Variants in STK32C observed in about 807,000 individuals in gnomAD.
STK32C encodes the protein serine/threonine kinase 32C, also known as serine/threonine-protein kinase 32C.
STK32C carries 31 observed loss-of-function variants against 56.5 expected under a neutral mutation model. The ratio of observed to expected loss-of-function variants is 0.55; its 90% CI spans 0.41 to 0.74. STK32C has a LOEUF of 0.74. Ranked by LOEUF, STK32C falls within the 30% of genes least tolerant of loss-of-function variation. The pLI, the probability that STK32C is intolerant of heterozygous loss-of-function variation, is 0.00. For synonymous variants in STK32C, 309 were observed against 289.4 expected (o/e 1.07, Z -0.69); for missense variants, 544 against 676.9 (o/e 0.80, Z 2.18).
At chr10:132,263,203 C>T (rs1045714881) in intron 1 of STK32C, among the ~76,000 whole-genome samples, 11 of 152,304 alleles carry the variant, frequency 7.2e-5, no homozygotes, top group African/African-American at 2.4e-4. Flanking sequence ...TGCCCATCCA[C>T]GGTGGACTGG....
rs375466206 is a variant in STK32C at position 132,259,402 on chromosome 10, A to G, written c.263-13447T>C. 1.3e-4 allele frequency among the ~76,000 whole-genome samples: 20 copies of G among 151,810 alleles called. No individual in the cohort carries two copies. The East Asian group carries it at 3.7e-3, about 28-fold the overall frequency. On this transcript the variant is annotated intron_variant, in intron 1 of 11. Transcript: ENST00000298630. ...GTCCTGGTGGGAGGTGACTGGGTCA[A>G]CGGGGCGGAGATCCCCCTTGCTGTT...
chr10:132,319,882 C>T (rs766289996), downstream of STK32C, among the ~76,000 whole-genome samples: 9 of 151,608 alleles, frequency 5.9e-5, no homozygotes, highest in Non-Finnish European at 1.2e-4. Flanking sequence ...ATCTATTGCA[C>T]CTTAGATGGA....
At chr10:132,279,922 C>T (rs530855692) in intron 1 of STK32C, among the ~76,000 whole-genome samples, 84 of 141,400 alleles carry the variant, frequency 5.9e-4, no homozygotes, top group Non-Finnish European at 1.1e-3. Flanking sequence ...TCCGTGATCA[C>T]GCTGAGGCCT....
chr10:132,304,518 C>T (rs571662218), intron 1 of STK32C, among the ~76,000 whole-genome samples: 3 of 152,280 alleles, frequency 2.0e-5, no homozygotes, highest in African/African-American at 4.8e-5. Context: ...AAGCACCTTA[C>T]GGCAAATTGG....
At chr10:132,243,928 G>T (rs1478345962) in intron 2 of STK32C, among the ~76,000 whole-genome samples, 1 of 152,168 alleles carries the variant, frequency 6.6e-6, no homozygotes, top group Non-Finnish European at 1.5e-5. Flanking sequence ...AGCTGAGCCT[G>T]GGCCCACCAC....
intron 1 of STK32C, among the ~76,000 whole-genome samples, chr10:132,316,054 A>C (rs936555103): frequency 6.6e-6 from 1 of 152,254 alleles, no homozygotes; most frequent in African/African-American, 2.4e-5. Flanking sequence ...CTGTATGAGA[A>C]AAATAAGAGA....
chr10:132,208,236 G>A (rs923659), intron 11 of STK32C, 85 bp from the exon 12 acceptor site: 1,162,176 of 1,263,146 alleles, frequency 0.92, 534,983 homozygotes, highest in East Asian at 1. Context: ...GGCTCATGGG[G>A]TAGGCCATGG....
At chr10:132,328,391 C>G (rs760856197) in intron 1 of STK32C, among the ~76,000 whole-genome samples, 4 of 152,126 alleles carry the variant, frequency 2.6e-5, no homozygotes, top group Non-Finnish European at 5.9e-5. Flanking sequence ...TGCAAAATAT[C>G]TCAAGCTCTG....
intron 1 of STK32C, among the ~76,000 whole-genome samples, chr10:132,280,187 C>T (rs529978508): frequency 1.4e-5 from 2 of 147,902 alleles, no homozygotes; most frequent in African/African-American, 5.0e-5. Context: ...GACCACGCCA[C>T]CTGCGCTCCA....
At chr10:132,326,614 C>T (rs763371975) in intron 1 of STK32C, among the ~76,000 whole-genome samples, 17 of 152,370 alleles carry the variant, frequency 1.1e-4, no homozygotes, top group South Asian at 2.1e-4. Flanking sequence ...TGAGCCACCT[C>T]GCCCAGCCAA....
chr10:132,226,552 T>C (rs1260794390), intron 4 of STK32C, among the ~76,000 whole-genome samples: 2 of 152,216 alleles, frequency 1.3e-5, no homozygotes, highest in Admixed American at 6.5e-5. Context: ...AACAGCCCAC[T>C]GTGCCCAGTC....
intron 10 of STK32C, 67 bp downstream of exon 10, chr10:132,222,574 G>T: frequency 1.9e-6 from 3 of 1,579,320 alleles, no homozygotes; most frequent in Admixed American, 1.8e-5. Context: ...CACACGCCTT[G>T]CTCGGTGGTA....
intron 1 of STK32C, among the ~76,000 whole-genome samples, chr10:132,302,636 A>G (rs1425804369): frequency 2.0e-5 from 3 of 152,082 alleles, no homozygotes; most frequent in Non-Finnish European, 4.4e-5. Context: ...TGGGCCACAC[A>G]GAGAGCCCCC....
At position 132,229,946 on chromosome 10, in the gene STK32C, G is replaced by A. The variant is rs374690032; in HGVS notation, c.319-1818C>T. On this transcript the variant is annotated intron_variant, in intron 2 of 11. Transcript: ENST00000298630. The stretch of plus-strand genomic sequence containing the variant: ...CCTCTCCAGGAAGCTGACAACAGGC[G>A]TGGCCTCAGCACCTCCCTGCCCGGT... Among the ~76,000 whole-genome samples the A allele has an allele frequency of 7.5e-4, 114 of 152,368 alleles. 3 individuals are homozygous for A. In the South Asian group the frequency reaches 0.022, roughly 29 times the overall value.
intron 1 of STK32C, among the ~76,000 whole-genome samples, chr10:132,277,302 C>G (rs1217187823): frequency 6.6e-6 from 1 of 152,166 alleles, no homozygotes; most frequent in Non-Finnish European, 1.5e-5. Context: ...CTGGACTTCC[C>G]AAGTTGCAGC....
chr10:132,276,311 G>A (rs1003246650), intron 1 of STK32C, among the ~76,000 whole-genome samples: 4 of 152,308 alleles, frequency 2.6e-5, no homozygotes, highest in East Asian at 1.9e-4. Flanking sequence ...CATCAGGCGC[G>A]TGATCCTACA....
chr10:132,228,820 G>A (rs111919458), intron 2 of STK32C, among the ~76,000 whole-genome samples: 58 of 152,346 alleles, frequency 3.8e-4, no homozygotes, highest in African/African-American at 1.3e-3. Flanking sequence ...TCTCAACACC[G>A]TGAGGCCAAG....
chr10:132,225,217 T>C lies in STK32C; in HGVS notation c.876+16A>G. On this transcript the variant is annotated intron_variant, in intron 7 of 11. Coordinates refer to ENST00000298630, the MANE Select transcript of STK32C (RefSeq NM_173575.4). Reference sequence around the variant, plus strand: ...GGGCCTGGCAGCCAAGCCCAGGGGCTGCAGGGGGTCCATACCCATCCTCGC... The same window carrying C: ...GGGCCTGGCAGCCAAGCCCAGGGGCCGCAGGGGGTCCATACCCATCCTCGC... The C allele has an allele frequency of 6.3e-7, 1 of 1,585,040 alleles. No homozygotes were observed. The highest frequency in any genetic ancestry group is 8.6e-7 in the Non-Finnish European group (1 of 1,163,632).
In STK32C at chr10:132,318,930, A is replaced by G. The variant is rs1246186741; in HGVS notation, c.301+12506T>C. 2.0e-5 allele frequency among the ~76,000 whole-genome samples: 3 copies of G among 151,322 alleles called. No homozygotes were observed. The East Asian group carries it at 5.8e-4, about 29-fold the overall frequency. ...GCAGAACTGGAGTCCATATTTTGTT[A>G]AAGTGATGCAGCTACTTTGTTTTTT... On this transcript the variant is annotated intron_variant, in intron 1 of 3. Coordinates refer to the STK32C transcript ENST00000368620.
Sources: gnomAD v4.1 joint callset for allele counts (sites outside exome capture counted in the v4.1 genomes callset) on GRCh38, gnomAD v4.1.1 for gene constraint, MANE v1.5 for transcripts, NCBI Gene and HGNC (gene_info 2026-07-23, HGNC 2026-07-21) for gene names.